The following AIDA variants were observed in gnomAD, a reference collection of about 807,000 sequenced individuals.
The protein encoded by AIDA is axin interactor, dorsalization-associated protein.
A neutral mutation model predicts 42.7 loss-of-function variants in AIDA; 18 were observed. The ratio of observed to expected loss-of-function variants is 0.42; its 90% CI spans 0.29 to 0.63. The LOEUF is 0.63. Among genes scored for constraint, AIDA ranks in the 20% least tolerant of loss-of-function variants. The pLI is 0.19. For synonymous variants in AIDA, 104 were observed against 122.9 expected, an observed-to-expected ratio of 0.85 and a Z score of 1.02; for missense variants, 250 against 354.1, an observed-to-expected ratio of 0.71 and a Z score of 2.36.
intron 4 of AIDA, among the ~76,000 whole-genome samples, chr1:222,689,993 A>G (rs1401246496): frequency 2.6e-5 from 4 of 152,162 alleles, no homozygotes; most frequent in Non-Finnish European, 4.4e-5. Context: ...GATAGGTTAC[A>G]TACATAAAAA....
intron 2 of AIDA, among the ~76,000 whole-genome samples, chr1:222,701,624 A>G (rs2030076): frequency 0.81 from 122,618 of 152,064 alleles, 49,742 homozygotes; most frequent in Non-Finnish European, 0.84. Flanking sequence ...AGTAATTTCC[A>G]CTGTGGTCAT....
chr1:222,706,574 G>A (rs1399643605), intron 1 of AIDA, among the ~76,000 whole-genome samples: 2 of 152,022 alleles, frequency 1.3e-5, no homozygotes, highest in Non-Finnish European at 2.9e-5. Flanking sequence ...GAAGTCAGAT[G>A]CAAAAGATCA....
intron 8 of AIDA, among the ~76,000 whole-genome samples, chr1:222,671,299 A>G (rs920444999): frequency 2.6e-5 from 4 of 152,130 alleles, no homozygotes; most frequent in African/African-American, 9.7e-5. Context: ...TCTTCCCCCA[A>G]TCCTGCAGAA....
At chr1:222,700,971 T>TTGG (rs1553295514) in intron 2 of AIDA, among the ~76,000 whole-genome samples, 1,713 of 104,968 alleles carry the variant, frequency 0.016, 164 homozygotes, top group African/African-American at 0.032. Context: ...TGATTTTTTT[T>TTGG]GGGGGGGGGG....
At chr1:222,692,626 G>A (rs1225681953) in intron 4 of AIDA, among the ~76,000 whole-genome samples, 2 of 152,060 alleles carry the variant, frequency 1.3e-5, no homozygotes, top group Non-Finnish European at 2.9e-5. Flanking sequence ...AAAATACAAA[G>A]GTTATTCACA....
intron 6 of AIDA, among the ~76,000 whole-genome samples, chr1:222,678,368 C>T (rs566734359): frequency 6.6e-6 from 1 of 152,138 alleles, no homozygotes; most frequent in South Asian, 2.1e-4. Flanking sequence ...TGTTTTCTGA[C>T]AGACAAAAGA....
intron 1 of AIDA, among the ~76,000 whole-genome samples, chr1:222,707,050 G>A (rs780472967): frequency 2.2e-4 from 34 of 152,046 alleles, no homozygotes; most frequent in African/African-American, 5.1e-4. Flanking sequence ...AATCTGTAAC[G>A]ATGGTTGCAC....
Position 222,673,406 on chromosome 1 carries a change from G to C in AIDA, c.613C>G (p.Gln205Glu). ...TTTCTTGAAGCCACAGGAGTATCTTGCACAGGAGTTAAGTCTATGCCATTC... is the reference window on the plus strand; with the variant it reads ...TTTCTTGAAGCCACAGGAGTATCTTCCACAGGAGTTAAGTCTATGCCATTC... ...DLNGIDLTPV[Q>E]DTPVASRKED... Residue 205 changes from glutamine (Q) to glutamate (E), a missense_variant, in exon 8 of 10, where the codon CAA (glutamine) becomes GAA (glutamate). By Grantham distance (29) the Gln-to-Glu change is conservative (BLOSUM62 2). Around this residue, in one of 4 missense-constraint regions of AIDA, gnomAD observed 199 missense variants for 232.6 expected, o/e 0.86. Transcript: ENST00000340020. 2.5e-6 allele frequency: 4 copies of C among 1,606,728 alleles called. No homozygotes were observed. The highest frequency in any genetic ancestry group is 2.6e-6 in the Non-Finnish European group (3 of 1,175,948).
intron 8 of AIDA, among the ~76,000 whole-genome samples, chr1:222,671,320 A>T (rs918171594): frequency 6.6e-6 from 1 of 152,180 alleles, no homozygotes; most frequent in Non-Finnish European, 1.5e-5. Flanking sequence ...AAAAGCTAAA[A>T]ATGGAGAAAT....
intron 1 of AIDA, among the ~76,000 whole-genome samples, chr1:222,708,517 G>A (rs1410789386): frequency 2.6e-5 from 4 of 151,418 alleles, no homozygotes; most frequent in African/African-American, 9.7e-5. Flanking sequence ...ACAGGCACAC[G>A]CCACCACGCC....
intron 2 of AIDA, among the ~76,000 whole-genome samples, chr1:222,701,002 G>A (rs1440931303): frequency 4.6e-5 from 6 of 129,272 alleles, no homozygotes; most frequent in South Asian, 2.5e-4. Flanking sequence ...TCACTGTGTC[G>A]CCCAGGCTGG....
At chr1:222,673,540 G>A (rs12138316) in intron 7 of AIDA, 105 bp from the exon 8 acceptor site, 564,712 of 839,514 alleles carry the variant, frequency 0.67, 196,469 homozygotes, top group Non-Finnish European at 0.72. Context: ...ACTTTGGGAG[G>A]CCGAGGCGGG....
chr1:222,669,648 T>G lies in AIDA; in HGVS notation c.*245A>C. 1 of 416,934 alleles carries G rather than the reference T, an allele frequency of 2.4e-6. No individual in the cohort carries two copies. Among genetic ancestry groups the G allele is most frequent in the Non-Finnish European group, 4.4e-6 (1 of 227,634 alleles). 25.8% of individuals were successfully genotyped at this position (416,934 alleles called of 1,614,324 possible). On this transcript the variant is annotated 3_prime_UTR_variant, in exon 10 of 10. Coordinates refer to ENST00000340020, the MANE Select transcript of AIDA (RefSeq NM_022831.4). ...GAAAATAGACTATTAATTGCACAAT[T>G]AATAGAAAAGTAAAAACATGTTTCA... is the stretch of plus-strand genomic sequence containing the variant.
chr1:222,693,908 A>C (rs1655444658), intron 3 of AIDA, 65 bp from the exon 4 acceptor site: 1 of 1,298,148 alleles, frequency 7.7e-7, no homozygotes, highest in Non-Finnish European at 1.1e-6. Context: ...CTGTCTTTTA[A>C]GTGGCAAGAA....
chr1:222,682,080 G>C (rs1361082293), intron 6 of AIDA, among the ~76,000 whole-genome samples: 1 of 152,196 alleles, frequency 6.6e-6, no homozygotes, highest in Admixed American at 6.5e-5. Flanking sequence ...ACATGGAAGG[G>C]ACTTGAAGTC....
At chr1:222,670,807 G>C (rs1558205529) in intron 8 of AIDA, among the ~76,000 whole-genome samples, 1 of 152,186 alleles carries the variant, frequency 6.6e-6, no homozygotes, top group Admixed American at 6.5e-5. Context: ...GCACTGCTGT[G>C]ATGTTTTTCC....
Position 222,712,485 on chromosome 1 carries a change from AACTTT to A in AIDA, c.-173_-169del. On this transcript the variant is annotated 5_prime_UTR_variant, in exon 1 of 10. Coordinates refer to ENST00000340020, the MANE Select transcript of AIDA (RefSeq NM_022831.4). Reference sequence around the variant, plus strand: ...CCAAGCCCATTTGCCGCCACAGCCAAACTTTGCGGCTCCAAAGCGACCGCCCCGCC... The same window carrying A: ...CCAAGCCCATTTGCCGCCACAGCCAAGCGGCTCCAAAGCGACCGCCCCGCC... 2 of 1,414,622 alleles carry A rather than the reference AACTTT, an allele frequency of 1.4e-6. No individual in the cohort carries two copies. The highest frequency in any genetic ancestry group is 1.8e-6 in the Non-Finnish European group (2 of 1,087,492). 87.6% of individuals were successfully genotyped at this position (1,414,622 alleles called of 1,614,324 possible).
intron 4 of AIDA, 134 bp downstream of exon 4, chr1:222,693,654 AG>A: frequency 1.5e-6 from 1 of 653,936 alleles, no homozygotes; most frequent in Non-Finnish European, 2.5e-6. Flanking sequence ...AAGTAACAAA[AG>A]CACCCAAAAA....
chr1:222,686,979 C>CTCTTCTTCA lies in AIDA; in HGVS notation c.402_410dup (p.Asp134_Glu136dup). 1 of 1,613,506 alleles carries CTCTTCTTCA rather than the reference C, an allele frequency of 6.2e-7. No homozygotes were observed. The highest frequency in any genetic ancestry group is 1.1e-5 in the South Asian group (1 of 91,020). ...CAGGAGACCCTGCTCCAGCACCACC[C>CTCTTCTTCA]TCTTCTTCATCTTCTTCAAATTCCA... is the stretch of plus-strand genomic sequence containing the variant. On this transcript the variant is annotated inframe_insertion, in exon 6 of 10. Transcript: ENST00000340020.
Sources: gnomAD v4.1 joint callset for allele counts (sites outside exome capture counted in the v4.1 genomes callset) on GRCh38, gnomAD v4.1.1 for gene constraint, gnomAD v4.1.1 regional missense constraint, MANE v1.5 for transcripts, NCBI Gene and HGNC (gene_info 2026-07-23, HGNC 2026-07-21) for gene names.